Variants in PLPP3 observed in about 807,000 individuals in gnomAD.
PLPP3 encodes the protein phospholipid phosphatase 3, also known as PAP2 beta.
Under a neutral mutation model 29.6 loss-of-function variants are expected in PLPP3, and 6 were observed. That is an observed-to-expected ratio of 0.20 (90% CI 0.11 to 0.40). The LOEUF (loss-of-function observed/expected upper bound fraction) is 0.40. Ranked by LOEUF, PLPP3 falls within the 10% of genes least tolerant of loss-of-function variation. PLPP3 has a pLI of 1.00. For missense variants in PLPP3, 308 were observed against 407.7 expected (o/e 0.76, Z 2.11); for synonymous variants, 152 against 159.7 (o/e 0.95, Z 0.36).
chr1:56,520,521 C>T (rs1418978794), intron 4 of PLPP3, among the ~76,000 whole-genome samples: 2 of 152,140 alleles, frequency 1.3e-5, no homozygotes, highest in African/African-American at 2.4e-5. Context: ...CAGAGTTTCC[C>T]ACCTCCTCTG....
intron 1 of PLPP3, among the ~76,000 whole-genome samples, chr1:56,557,328 A>G (rs375884190): frequency 2.0e-5 from 3 of 151,860 alleles, no homozygotes; most frequent in African/African-American, 7.2e-5. Context: ...CAGTGAGCCA[A>G]AGACGCACCA....
chr1:56,561,920 A>C (rs1646131940), intron 1 of PLPP3, among the ~76,000 whole-genome samples: 1 of 151,670 alleles, frequency 6.6e-6, no homozygotes, highest in African/African-American at 2.4e-5. Flanking sequence ...CTGTAATCCC[A>C]GCTACTCAGA....
intron 5 of PLPP3, among the ~76,000 whole-genome samples, chr1:56,505,967 C>T (rs1358423706): frequency 6.6e-6 from 1 of 152,172 alleles, no homozygotes; most frequent in East Asian, 1.9e-4. Context: ...TTCTCTCTCC[C>T]ACATCCATGT....
intron 1 of PLPP3, among the ~76,000 whole-genome samples, chr1:56,554,540 C>G (rs1269496548): frequency 3.3e-5 from 5 of 150,220 alleles, no homozygotes; most frequent in Non-Finnish European, 3.0e-5. Flanking sequence ...CCTCTGCACT[C>G]CAGCCTGGGC....
At chr1:56,572,203 C>T (rs548972324) in intron 1 of PLPP3, among the ~76,000 whole-genome samples, 2 of 152,108 alleles carry the variant, frequency 1.3e-5, no homozygotes, top group South Asian at 4.2e-4. Context: ...GCACACACCA[C>T]GATGCCCGGC....
intron 1 of PLPP3, among the ~76,000 whole-genome samples, chr1:56,570,420 T>C (rs1209586489): frequency 1.3e-5 from 2 of 152,236 alleles, no homozygotes; most frequent in African/African-American, 4.8e-5. Flanking sequence ...AAAACACACT[T>C]ACCACCAATA....
chr1:56,529,823 C>T (rs1449011166), intron 2 of PLPP3, among the ~76,000 whole-genome samples: 2 of 152,054 alleles, frequency 1.3e-5, no homozygotes, highest in African/African-American at 4.8e-5. Context: ...CCAAAGACAC[C>T]AGTATAATTT....
At chr1:56,507,169 G>A (rs187399620) in intron 5 of PLPP3, among the ~76,000 whole-genome samples, 2 of 152,158 alleles carry the variant, frequency 1.3e-5, no homozygotes, top group African/African-American at 2.4e-5. Flanking sequence ...AAAAGTTCTC[G>A]GCTGTCATGC....
chr1:56,530,400 TCTG>T (rs1645879792), intron 2 of PLPP3, among the ~76,000 whole-genome samples: 2 of 152,214 alleles, frequency 1.3e-5, no homozygotes, highest in South Asian at 4.1e-4. Flanking sequence ...ATTCCAATCT[TCTG>T]CTAACTCTCC....
chr1:56,501,152 G>C (rs1645665653), intron 5 of PLPP3, among the ~76,000 whole-genome samples: 1 of 151,864 alleles, frequency 6.6e-6, no homozygotes, highest in Non-Finnish European at 1.5e-5. Flanking sequence ...TAAAGACAAA[G>C]AAGAAGAGAT....
intron 4 of PLPP3, among the ~76,000 whole-genome samples, chr1:56,521,686 G>A (rs1645820641): frequency 6.8e-6 from 1 of 147,260 alleles, no homozygotes; most frequent in South Asian, 2.1e-4. Context: ...ACAGGTATAA[G>A]CCACCATCCA....
intron 1 of PLPP3, among the ~76,000 whole-genome samples, chr1:56,565,987 G>C (rs1646158796): frequency 6.6e-6 from 1 of 152,164 alleles, no homozygotes; most frequent in Non-Finnish European, 1.5e-5. Flanking sequence ...AACAAGACCA[G>C]AGTGAACTGA....
At chr1:56,515,212 T>C (rs979570114) in intron 4 of PLPP3, among the ~76,000 whole-genome samples, 2 of 152,360 alleles carry the variant, frequency 1.3e-5, no homozygotes, top group Admixed American at 1.3e-4. Flanking sequence ...ATCAAGAGGA[T>C]AGCATGAAAT....
At chr1:56,510,986 C>T (rs1645737577) in intron 5 of PLPP3, among the ~76,000 whole-genome samples, 1 of 152,184 alleles carries the variant, frequency 6.6e-6, no homozygotes, top group African/African-American at 2.4e-5. Flanking sequence ...GGATAAGAAG[C>T]TGGTTTAGAT....
intron 2 of PLPP3, among the ~76,000 whole-genome samples, chr1:56,529,337 T>C (rs1645871838): frequency 6.6e-6 from 1 of 152,168 alleles, no homozygotes; most frequent in South Asian, 2.1e-4. Flanking sequence ...GGCAGTAGTA[T>C]GTATGTCTCC....
At chr1:56,504,529 C>T (rs527572489) in intron 5 of PLPP3, among the ~76,000 whole-genome samples, 1 of 152,160 alleles carries the variant, frequency 6.6e-6, no homozygotes, top group Admixed American at 6.5e-5. Context: ...TCCCAGAAAC[C>T]ATCCAATTTT....
chr1:56,514,978 G>A (rs1645771147), intron 4 of PLPP3, among the ~76,000 whole-genome samples: 1 of 152,190 alleles, frequency 6.6e-6, no homozygotes, highest in South Asian at 2.1e-4. Flanking sequence ...CAAGTCTTCA[G>A]GACAATGGCA....
intron 1 of PLPP3, among the ~76,000 whole-genome samples, chr1:56,567,869 G>A (rs1193466857): frequency 6.6e-6 from 1 of 152,086 alleles, no homozygotes; most frequent in African/African-American, 2.4e-5. Flanking sequence ...TATTCATAAT[G>A]GCCAAAAAGT....
intron 1 of PLPP3, among the ~76,000 whole-genome samples, chr1:56,566,964 CA>C (rs1274878521): frequency 2.0e-5 from 3 of 152,184 alleles, no homozygotes; most frequent in African/African-American, 7.2e-5. Flanking sequence ...TCAGCCTCAT[CA>C]GGAACTGAAA....
Sources: gnomAD v4.1 joint callset for allele counts (sites outside exome capture counted in the v4.1 genomes callset) on GRCh38, gnomAD v4.1.1 for gene constraint, MANE v1.5 for transcripts, NCBI Gene and HGNC (gene_info 2026-07-23, HGNC 2026-07-21) for gene names.